WASF2: variants seen among roughly 807,000 people sequenced by gnomAD.
The protein encoded by WASF2 is WASP family member 2.
WASF2 carries 14 observed loss-of-function variants against 45.0 expected under a neutral mutation model. The ratio of observed to expected loss-of-function variants is 0.31; its 90% confidence interval spans 0.21 to 0.49. The LOEUF is 0.49. WASF2 is among the 20% of genes least tolerant of loss of function. The pLI is 0.99. For synonymous variants in WASF2, 200 were observed against 236.3 expected (o/e 0.85, Z 1.41); for missense variants, 439 against 636.1 (o/e 0.69, Z 3.33).
intron 1 of WASF2, among the ~76,000 whole-genome samples, chr1:27,454,450 A>C (rs1190816766): frequency 1.3e-5 from 2 of 151,512 alleles, no homozygotes; most frequent in Non-Finnish European, 2.9e-5. Context: ...CCTGGGCTCA[A>C]GAGATCCTCC....
intron 6 of WASF2, among the ~76,000 whole-genome samples, chr1:27,413,304 G>T (rs1489308112): frequency 6.6e-6 from 1 of 152,214 alleles, no homozygotes; most frequent in Admixed American, 6.5e-5. Context: ...AAAGTAGCGT[G>T]CTAGGGCTTG....
chr1:27,488,533 C>T (rs2017978233), intron 1 of WASF2, among the ~76,000 whole-genome samples: 1 of 152,174 alleles, frequency 6.6e-6, no homozygotes, highest in East Asian at 1.9e-4. Flanking sequence ...CCAATAGCTG[C>T]TGAACTTTTT....
chr1:27,469,207 G>A, intron 1 of WASF2, among the ~76,000 whole-genome samples: 1 of 152,182 alleles, frequency 6.6e-6, no homozygotes. Context: ...TAAGGGGGAT[G>A]AGGGAACGAA....
Position 27,418,770 on chromosome 1 carries a change from A to AT in WASF2, c.265+183dup, listed in dbSNP as rs1317552373. 2.0e-5 allele frequency among the ~76,000 whole-genome samples: 3 copies of AT among 152,082 alleles called. No individual in the cohort carries two copies. In the East Asian group the frequency reaches 5.8e-4, roughly 29 times the overall value. On this transcript the variant is annotated intron_variant, in intron 3 of 8. Transcript: ENST00000618852. Reference sequence around the variant, plus strand: ...TTGGGGGAATGGGAGAAAGGAGTGCATGGGGGTGTGGTGGAGCTAAAAAGG... The same window carrying AT: ...TTGGGGGAATGGGAGAAAGGAGTGCATTGGGGGTGTGGTGGAGCTAAAAAGG...
chr1:27,419,234 A>G (rs2016868897), intron 2 of WASF2, 146 bp from the exon 3 acceptor site: 2 of 775,856 alleles, frequency 2.6e-6, no homozygotes, highest in South Asian at 3.6e-5. Flanking sequence ...CTATATGCAG[A>G]TGACTGCTCT....
chr1:27,477,182 GA>G (rs1408603991), intron 1 of WASF2, among the ~76,000 whole-genome samples: 1 of 152,192 alleles, frequency 6.6e-6, no homozygotes, highest in Non-Finnish European at 1.5e-5. Context: ...AGAAGGCCTA[GA>G]AAGATATCAC....
At position 27,438,781 on chromosome 1, in the gene WASF2, T is replaced by C. The variant is rs535106540; in HGVS notation, c.-43-9848A>G. Among the ~76,000 whole-genome samples, 5 of 152,234 alleles carry C rather than the reference T, an allele frequency of 3.3e-5. No individual in the cohort carries two copies. The South Asian group carries it at 6.2e-4, about 19-fold the overall frequency. On this transcript the variant is annotated intron_variant, in intron 1 of 8. Coordinates refer to ENST00000618852, the MANE Select transcript of WASF2 (RefSeq NM_006990.5). ...ACAAGGAGTGGAATTATGGAGCAAA[T>C]TGCCATGCAATTCCATATGAACTAC...
intron 1 of WASF2, among the ~76,000 whole-genome samples, chr1:27,444,758 A>G (rs562155197): frequency 9.8e-5 from 15 of 152,332 alleles, no homozygotes; most frequent in East Asian, 1.9e-4. Flanking sequence ...AGTCTTCCCA[A>G]TCACAGTCAA....
chr1:27,409,516 T>C lies in WASF2; in HGVS notation c.1339+176A>G, dbSNP rs1181946051. Reference sequence around the variant, plus strand: ...GGAAAGAAATCTAAATCTCCATATTTTTAGGGTGAAGCCTTTTCTCAGGCT... The same window carrying C: ...GGAAAGAAATCTAAATCTCCATATTCTTAGGGTGAAGCCTTTTCTCAGGCT... On this transcript the variant is annotated intron_variant, in intron 8 of 8. Transcript: ENST00000618852. Among the ~76,000 whole-genome samples, 5 of 151,896 alleles carry C rather than the reference T, an allele frequency of 3.3e-5. No homozygotes were observed. In the East Asian group the frequency reaches 9.7e-4, roughly 29 times the overall value.
rs767152750 is a variant in WASF2 at position 27,418,934 on chromosome 1, G to A, written c.265+20C>T. ...AAACTGCTCAGCAGAGCCTGCAAATGCTGAGCTCAGCTTTCTTACCTTCTT... is the reference window on the plus strand; with the variant it reads ...AAACTGCTCAGCAGAGCCTGCAAATACTGAGCTCAGCTTTCTTACCTTCTT... On this transcript the variant is annotated intron_variant, in intron 3 of 8. Coordinates refer to ENST00000618852, the MANE Select transcript of WASF2 (RefSeq NM_006990.5). 1.9e-5 allele frequency: 30 copies of A among 1,609,224 alleles called. No homozygotes were observed. Among genetic ancestry groups the A allele is most frequent in the African/African-American group, 6.7e-5 (5 of 74,586 alleles).
chr1:27,445,993 A>G (rs2017305797), intron 1 of WASF2, among the ~76,000 whole-genome samples: 1 of 152,014 alleles, frequency 6.6e-6, no homozygotes, highest in South Asian at 2.1e-4. Context: ...ATTTAGCCCA[A>G]ACTAAGATAA....
chr1:27,443,574 T>C (rs576962090), intron 1 of WASF2, among the ~76,000 whole-genome samples: 30 of 149,606 alleles, frequency 2.0e-4, no homozygotes, highest in African/African-American at 5.6e-4. Flanking sequence ...GACTGCGCCA[T>C]TGCACTCCAG....
chr1:27,478,417 A>G (rs1480849389), intron 1 of WASF2, among the ~76,000 whole-genome samples: 1 of 152,168 alleles, frequency 6.6e-6, no homozygotes, highest in Non-Finnish European at 1.5e-5. Context: ...TTTATGTTGA[A>G]CAGAAAAAGT....
chr1:27,407,991 G>C lies in WASF2; in HGVS notation c.*198C>G, dbSNP rs1040339970. The C allele has an allele frequency of 6.8e-5, 38 of 558,462 alleles. 1 individual carries two copies. The Admixed American group carries it at 1.4e-3, about 20-fold the overall frequency. The allele number at this position is 558,462 out of a possible 1,614,324, so 34.6% of individuals were successfully genotyped here. ...TACTGAACCTCAGGAGCCCCACAGG[G>C]CCTGAAAATGGGGAGAGGAAATACA... On this transcript the variant is annotated 3_prime_UTR_variant, in exon 9 of 9. Transcript: ENST00000618852.
rs187015841 is a variant in WASF2, at chr1:27,419,093, A to G, written c.131-5T>C. Reference sequence around the variant, plus strand: ...AAATGTCCTCTGCATATTTACCTGGAAAGAGCAAAGAAACCAAGTCACTAG... The same window carrying G: ...AAATGTCCTCTGCATATTTACCTGGGAAGAGCAAAGAAACCAAGTCACTAG... On this transcript the variant is annotated splice_polypyrimidine_tract_variant and splice_region_variant and intron_variant, in intron 2 of 8. Transcript: ENST00000618852. 5,093 of 1,613,060 alleles carry G rather than the reference A, an allele frequency of 3.2e-3. 19 individuals are homozygous for G. The highest frequency in any genetic ancestry group is 3.1e-3 in the Non-Finnish European group (3,667 of 1,179,286).
intron 2 of WASF2, among the ~76,000 whole-genome samples, chr1:27,425,943 C>T (rs778361154): frequency 2.0e-5 from 3 of 150,434 alleles, no homozygotes; most frequent in Non-Finnish European, 4.4e-5. Context: ...AACGCAGAGG[C>T]GAAGGCTGCA....
intron 1 of WASF2, among the ~76,000 whole-genome samples, chr1:27,437,821 T>C (rs2017157315): frequency 6.6e-6 from 1 of 152,170 alleles, no homozygotes; most frequent in South Asian, 2.1e-4. Flanking sequence ...TGTCATCAAC[T>C]GAACATTAAA....
intron 1 of WASF2, among the ~76,000 whole-genome samples, chr1:27,469,864 C>T (rs139381965): frequency 6.1e-4 from 93 of 152,104 alleles, no homozygotes; most frequent in African/African-American, 2.1e-3. Context: ...ATCACTTGAT[C>T]CCGAGAGGCA....
At chr1:27,458,439 G>A (rs1447817596) in intron 1 of WASF2, among the ~76,000 whole-genome samples, 1 of 151,122 alleles carries the variant, frequency 6.6e-6, no homozygotes, top group Non-Finnish European at 1.5e-5. Flanking sequence ...TTAATGCATG[G>A]TTGATCCCAG....
Sources: gnomAD v4.1 joint callset for allele counts (sites outside exome capture counted in the v4.1 genomes callset) on GRCh38, gnomAD v4.1.1 for gene constraint, MANE v1.5 for transcripts, NCBI Gene and HGNC (gene_info 2026-07-23, HGNC 2026-07-21) for gene names.